CSMD1: variants seen among roughly 807,000 people sequenced by gnomAD.
The protein encoded by CSMD1 is CUB and Sushi multiple domains 1.
In CSMD1, 213 loss-of-function variants were observed where a neutral mutation model predicts 417.5. That is an observed-to-expected ratio of 0.51 (90% CI 0.46 to 0.57). The LOEUF (loss-of-function observed/expected upper bound fraction) is 0.57, where lower values mean the gene tolerates loss of function less well. Among genes scored for constraint, CSMD1 ranks in the 20% least tolerant of loss-of-function variants. The pLI is 0.00. For missense variants in CSMD1, 6,923 were observed against 4,529.7 expected, an observed-to-expected ratio of 1.53 and a Z score of -15.17; for synonymous variants, 2,862 against 1,736.8, an observed-to-expected ratio of 1.65 and a Z score of -16.11.
At chr8:4,449,839 A>G (rs1217654) in intron 2 of CSMD1, among the ~76,000 whole-genome samples, 142,908 of 152,224 alleles carry the variant, frequency 0.94, 67,211 homozygotes, top group East Asian at 1. Flanking sequence ...TCCCTATCTC[A>G]GTAAATGACT....
chr8:4,041,543 C>A (rs574968897), intron 3 of CSMD1, among the ~76,000 whole-genome samples: 134 of 152,130 alleles, frequency 8.8e-4, no homozygotes, highest in South Asian at 7.3e-3. Context: ...TATGGGAATA[C>A]AAAAATATTC....
intron 3 of CSMD1, among the ~76,000 whole-genome samples, chr8:4,132,143 T>C (rs1441401201): frequency 6.6e-6 from 1 of 151,712 alleles, no homozygotes; most frequent in Admixed American, 6.6e-5. Flanking sequence ...ACGACATTTC[T>C]ACAGATCAGC....
intron 5 of CSMD1, among the ~76,000 whole-genome samples, chr8:3,778,825 A>G (rs1192317256): frequency 6.6e-6 from 1 of 152,196 alleles, no homozygotes; most frequent in East Asian, 1.9e-4. Flanking sequence ...CTGCTGTACA[A>G]GTTTATTATT....
intron 2 of CSMD1, among the ~76,000 whole-genome samples, chr8:4,504,792 T>A (rs1478000401): frequency 6.6e-6 from 1 of 152,216 alleles, no homozygotes; most frequent in Non-Finnish European, 1.5e-5. Flanking sequence ...TTCATCCATG[T>A]CCCTGCAAAG....
chr8:4,343,996 T>C (rs1263782316), intron 3 of CSMD1, among the ~76,000 whole-genome samples: 1 of 152,162 alleles, frequency 6.6e-6, no homozygotes, highest in Non-Finnish European at 1.5e-5. Flanking sequence ...TTGCCAATAA[T>C]ACCACAAGCA....
intron 5 of CSMD1, among the ~76,000 whole-genome samples, chr8:3,943,226 C>G (rs1174628294): frequency 6.6e-6 from 1 of 151,654 alleles, no homozygotes; most frequent in African/African-American, 2.4e-5. Context: ...TTTGATTTAA[C>G]CTTTGTACAA....
chr8:4,368,295 A>G (rs138034413), intron 3 of CSMD1, among the ~76,000 whole-genome samples: 1 of 152,158 alleles, frequency 6.6e-6, no homozygotes, highest in African/African-American at 2.4e-5. Flanking sequence ...ACATTTATTG[A>G]TATGTGTATG....
intron 6 of CSMD1, among the ~76,000 whole-genome samples, chr8:3,748,562 A>C (rs1319267852): frequency 6.6e-6 from 1 of 152,188 alleles, no homozygotes; most frequent in African/African-American, 2.4e-5. Flanking sequence ...TATTATTTTT[A>C]CACTGTTTTA....
At chr8:3,569,630 TGTAA>T (rs1211551699) in intron 10 of CSMD1, among the ~76,000 whole-genome samples, 6 of 152,212 alleles carry the variant, frequency 3.9e-5, no homozygotes, top group East Asian at 3.9e-4. Context: ...GGAAACTTTA[TGTAA>T]CTGTTTCTCT....
At chr8:3,974,734 A>G (rs951159497) in intron 5 of CSMD1, among the ~76,000 whole-genome samples, 2 of 152,136 alleles carry the variant, frequency 1.3e-5, no homozygotes, top group Admixed American at 1.3e-4. Context: ...GAACAGGCAA[A>G]ACTAAATTTT....
chr8:3,445,634 G>A (rs2117080105), intron 12 of CSMD1, among the ~76,000 whole-genome samples: 1 of 152,218 alleles, frequency 6.6e-6, no homozygotes, highest in East Asian at 1.9e-4. Flanking sequence ...CATTCACTTG[G>A]GAGACAGCTG....
At chr8:3,266,856 C>T (rs548625829) in intron 26 of CSMD1, among the ~76,000 whole-genome samples, 1 of 150,722 alleles carries the variant, frequency 6.6e-6, no homozygotes, top group Non-Finnish European at 1.5e-5. Flanking sequence ...GTGACAAGAG[C>T]AGTAATCACA....
rs924593756 is a variant in CSMD1 at position 4,129,564 on chromosome 8, G to C, written c.416-97465C>G. ...GATTGGATTCCATCAGAATATTTTA[G>C]GTTATTTACTTTACGTTTTTTATTA... On this transcript the variant is annotated intron_variant, in intron 3 of 69. Coordinates refer to ENST00000635120, the MANE Select transcript of CSMD1 (RefSeq NM_033225.6). Among the ~76,000 whole-genome samples, 3 of 130,894 alleles carry C rather than the reference G, an allele frequency of 2.3e-5. No individual in the cohort carries two copies. The East Asian group carries it at 6.8e-4, about 30-fold the overall frequency. The allele number at this position is 130,894 out of a possible 152,430, so 85.9% of individuals were successfully genotyped here. A position where few individuals can be genotyped will look rare whatever the true frequency, so the allele number is the denominator to read the frequency against.
intron 5 of CSMD1, among the ~76,000 whole-genome samples, chr8:3,944,954 G>C (rs1277235147): frequency 6.6e-6 from 1 of 152,124 alleles, no homozygotes; most frequent in African/African-American, 2.4e-5. Flanking sequence ...GACATTACAA[G>C]GATGACAAAG....
At chr8:4,950,391 G>T (rs972674383) in intron 1 of CSMD1, among the ~76,000 whole-genome samples, 2 of 151,584 alleles carry the variant, frequency 1.3e-5, no homozygotes, top group African/African-American at 4.8e-5. Flanking sequence ...ATAGGACAAT[G>T]TTACCCACAA....
In CSMD1 at chr8:4,698,135, G is replaced by GT. The variant is rs11299577; in HGVS notation, c.86-60578dup. ...TGAACACTTTTGCTTTGAATACTGG[G>GT]TTTTTTTTTTTTTTTTGGAATTGAA... On this transcript the variant is annotated intron_variant, in intron 1 of 69. Transcript: ENST00000635120. 1.7e-3 allele frequency among the ~76,000 whole-genome samples: 235 copies of GT among 138,694 alleles called. 1 individual carries two copies. Among genetic ancestry groups the GT allele is most frequent in the East Asian group, 0.011 (55 of 4,794 alleles). The allele number at this position is 138,694 out of a possible 152,430, so 91.0% of individuals were successfully genotyped here. A position where few individuals can be genotyped will look rare whatever the true frequency, so the allele number is the denominator to read the frequency against.
At chr8:3,959,018 C>T (rs2627495) in intron 5 of CSMD1, among the ~76,000 whole-genome samples, 2 of 151,694 alleles carry the variant, frequency 1.3e-5, no homozygotes, top group Non-Finnish European at 2.9e-5. Context: ...CCCTACTCTG[C>T]GGCGGCTTCT....
In CSMD1 at chr8:4,994,524, G is replaced by A; in HGVS notation, c.-108C>T. ...GAGGGCAAGGCGAGCCGGAGAGAGA[G>A]CCCGGTCCCAAGACCCGCCGCGCAT... On this transcript the variant is annotated 5_prime_UTR_variant, in exon 1 of 70. Coordinates refer to ENST00000635120, the MANE Select transcript of CSMD1 (RefSeq NM_033225.6). 1 of 1,048,284 alleles carries A rather than the reference G, an allele frequency of 9.5e-7. No homozygotes were observed. The highest frequency in any genetic ancestry group is 1.4e-5 in the South Asian group (1 of 70,110). The allele number at this position is 1,048,284 out of a possible 1,614,324, so 64.9% of individuals were successfully genotyped here. A position where few individuals can be genotyped will look rare whatever the true frequency, so the allele number is the denominator to read the frequency against.
chr8:3,845,549 G>T (rs74956201), intron 5 of CSMD1, among the ~76,000 whole-genome samples: 1 of 152,076 alleles, frequency 6.6e-6, no homozygotes, highest in Non-Finnish European at 1.5e-5. Flanking sequence ...AGTTGCTCTG[G>T]GTGTCAGTGA....
Sources: gnomAD v4.1 joint callset for allele counts (sites outside exome capture counted in the v4.1 genomes callset) on GRCh38, gnomAD v4.1.1 for gene constraint, MANE v1.5 for transcripts, NCBI Gene and HGNC (gene_info 2026-07-23, HGNC 2026-07-21) for gene names.